The following B3GALT1 variants were observed in gnomAD, a reference collection of about 807,000 sequenced individuals.
B3GALT1 encodes beta-1,3-galactosyltransferase 1.
B3GALT1 carries 10 observed loss-of-function variants against 23.2 expected under a neutral mutation model. The observed-to-expected ratio is 0.43, with a 90% confidence interval of 0.27 to 0.73. The LOEUF is 0.73. Ranked by LOEUF, B3GALT1 falls within the 30% of genes least tolerant of loss-of-function variation. B3GALT1 has a pLI of 0.21. For synonymous variants in B3GALT1, 156 were observed against 141.5 expected (o/e 1.10, Z -0.73); for missense variants, 299 against 405.4 (o/e 0.74, Z 2.25).
chr2:167,803,374 G>A (rs1392766562), intron 3 of B3GALT1, among the ~76,000 whole-genome samples: 1 of 152,112 alleles, frequency 6.6e-6, no homozygotes, highest in Admixed American at 6.6e-5. Flanking sequence ...CTCAAATACT[G>A]TAATCATTTA....
intron 2 of B3GALT1, among the ~76,000 whole-genome samples, chr2:167,545,246 A>C (rs968964345): frequency 2.6e-5 from 4 of 151,808 alleles, no homozygotes; most frequent in African/African-American, 4.8e-5. Context: ...TGTGTTAGCC[A>C]GGATGGTCTT....
At chr2:167,736,051 C>G (rs932226010) in intron 3 of B3GALT1, among the ~76,000 whole-genome samples, 14 of 152,236 alleles carry the variant, frequency 9.2e-5, no homozygotes, top group African/African-American at 3.4e-4. Context: ...GATGAAAGAC[C>G]AAAGCGTAGC....
At chr2:167,645,418 A>G (rs1323772786) in intron 2 of B3GALT1, among the ~76,000 whole-genome samples, 3 of 152,196 alleles carry the variant, frequency 2.0e-5, no homozygotes, top group African/African-American at 7.2e-5. Context: ...TTATGAACAC[A>G]GAAAGGTAAA....
intron 2 of B3GALT1, among the ~76,000 whole-genome samples, chr2:167,532,720 GTTT>G (rs200560676): frequency 6.6e-6 from 1 of 151,218 alleles, no homozygotes; most frequent in Non-Finnish European, 1.5e-5. Context: ...TCATTTTTAG[GTTT>G]TTTTTAATTG....
intron 1 of B3GALT1, among the ~76,000 whole-genome samples, chr2:167,381,841 C>T (rs1697851405): frequency 6.6e-6 from 1 of 152,178 alleles, no homozygotes; most frequent in African/African-American, 2.4e-5. Flanking sequence ...GAAACATTTG[C>T]AACCAACATC....
chr2:167,353,315 G>A (rs1270633861), intron 1 of B3GALT1, among the ~76,000 whole-genome samples: 1 of 152,182 alleles, frequency 6.6e-6, no homozygotes, highest in African/African-American at 2.4e-5. Context: ...TTAACAGCCA[G>A]GGTTCCAAGA....
intron 2 of B3GALT1, among the ~76,000 whole-genome samples, chr2:167,614,275 G>C (rs1323496651): frequency 1.5e-5 from 2 of 133,014 alleles, no homozygotes; most frequent in Admixed American, 1.5e-4. Flanking sequence ...CAATAGCAAA[G>C]AAAATGAAAA....
At chr2:167,746,907 T>C (rs1477849900) in intron 3 of B3GALT1, among the ~76,000 whole-genome samples, 1 of 152,222 alleles carries the variant, frequency 6.6e-6, no homozygotes, top group Non-Finnish European at 1.5e-5. Context: ...TGAAAGTGCA[T>C]GCATTCTATG....
chr2:167,620,214 A>G (rs2105438558), intron 2 of B3GALT1, among the ~76,000 whole-genome samples: 1 of 152,202 alleles, frequency 6.6e-6, no homozygotes, highest in East Asian at 1.9e-4. Flanking sequence ...AGTGTGTGAG[A>G]GACTGCAGGT....
At chr2:167,357,933 A>G (rs577663292) in intron 1 of B3GALT1, among the ~76,000 whole-genome samples, 7 of 152,338 alleles carry the variant, frequency 4.6e-5, no homozygotes, top group Admixed American at 1.3e-4. Flanking sequence ...AACTAAGAGC[A>G]TTTTGAATGT....
chr2:167,451,725 G>T (rs557757686), intron 1 of B3GALT1, among the ~76,000 whole-genome samples: 2 of 152,276 alleles, frequency 1.3e-5, no homozygotes, highest in African/African-American at 2.4e-5. Flanking sequence ...GTTTAGGGAG[G>T]ATCAGGCAGT....
At chr2:167,452,057 C>T (rs1040585087) in intron 1 of B3GALT1, among the ~76,000 whole-genome samples, 1 of 152,084 alleles carries the variant, frequency 6.6e-6, no homozygotes, top group Non-Finnish European at 1.5e-5. Flanking sequence ...GGTTTATTTC[C>T]GGGCAGCCAG....
chr2:167,413,478 A>G (rs12477515), intron 1 of B3GALT1, among the ~76,000 whole-genome samples: 121 of 152,118 alleles, frequency 8.0e-4, no homozygotes, highest in Admixed American at 4.6e-3. Flanking sequence ...CCTCAATCCA[A>G]TTTTTAAATT....
At chr2:167,302,572 T>A (rs1417338186) in intron 1 of B3GALT1, among the ~76,000 whole-genome samples, 1 of 152,200 alleles carries the variant, frequency 6.6e-6, no homozygotes, top group East Asian at 1.9e-4. Context: ...CATCTTTATC[T>A]TAATGTAATT....
At chr2:167,681,343 G>T (rs1686527639) in intron 3 of B3GALT1, among the ~76,000 whole-genome samples, 1 of 152,046 alleles carries the variant, frequency 6.6e-6, no homozygotes, top group Non-Finnish European at 1.5e-5. Flanking sequence ...AATCGTCTGT[G>T]AAATACCTCC....
chr2:167,715,072 T>C, intron 3 of B3GALT1: 3 of 1,612,454 alleles, frequency 1.9e-6, no homozygotes, highest in Non-Finnish European at 1.7e-6. Context: ...GGTTTCTTTC[T>C]CCTTCTAAGG....
At chr2:167,345,260 T>G (rs976548714) in intron 1 of B3GALT1, among the ~76,000 whole-genome samples, 2 of 152,068 alleles carry the variant, frequency 1.3e-5, no homozygotes, top group Non-Finnish European at 2.9e-5. Context: ...ATTCAAACAC[T>G]ATAGGCTCAT....
intron 1 of B3GALT1, among the ~76,000 whole-genome samples, chr2:167,331,487 G>A (rs1171778935): frequency 2.0e-5 from 3 of 152,186 alleles, no homozygotes; most frequent in African/African-American, 7.2e-5. Context: ...GGCAGTGTAT[G>A]TGATGGGTTG....
intron 1 of B3GALT1, among the ~76,000 whole-genome samples, chr2:167,482,840 A>C (rs1699577856): frequency 6.6e-6 from 1 of 151,462 alleles, no homozygotes; most frequent in Admixed American, 6.6e-5. Flanking sequence ...ACCCTGTCTC[A>C]AAAAAGAAAG....
Sources: gnomAD v4.1 joint callset for allele counts (sites outside exome capture counted in the v4.1 genomes callset) on GRCh38, gnomAD v4.1.1 for gene constraint, MANE v1.5 for transcripts, NCBI Gene and HGNC (gene_info 2026-07-23, HGNC 2026-07-21) for gene names.